Variants in EYA1 observed in about 807,000 individuals in gnomAD.
The protein encoded by EYA1 is EYA transcriptional coactivator and phosphatase 1, also known as protein phosphatase EYA1.
In EYA1, 16 loss-of-function variants were observed where a neutral mutation model predicts 82.0. The ratio of observed to expected loss-of-function variants is 0.20; its 90% confidence interval spans 0.13 to 0.30. EYA1 has a LOEUF of 0.30. EYA1 is among the 10% of genes least tolerant of loss of function. EYA1 has a pLI of 1.00. For missense variants in EYA1, 633 were observed against 730.7 expected, an observed-to-expected ratio of 0.87 and a Z score of 1.54; for synonymous variants, 261 against 264.4, an observed-to-expected ratio of 0.99 and a Z score of 0.12.
intron 12 of EYA1, among the ~76,000 whole-genome samples, chr8:71,226,296 G>A (rs931218332): frequency 7.2e-5 from 11 of 151,814 alleles, no homozygotes; most frequent in East Asian, 3.9e-4. Context: ...TCACTTTAGC[G>A]TGTGGCTTAC....
chr8:71,461,826 G>T (rs866607668), intron 2 of EYA1, among the ~76,000 whole-genome samples: 5 of 152,202 alleles, frequency 3.3e-5, no homozygotes, highest in South Asian at 4.1e-4. Flanking sequence ...CCTAGCCAGG[G>T]TGTCCTATCA....
At chr8:71,320,782 A>G (rs572220435) in intron 6 of EYA1, among the ~76,000 whole-genome samples, 1 of 152,198 alleles carries the variant, frequency 6.6e-6, no homozygotes, top group South Asian at 2.1e-4. Flanking sequence ...CTTAAAGAAG[A>G]GCATTAATTC....
At chr8:71,218,877 C>T (rs990968697) in intron 12 of EYA1, among the ~76,000 whole-genome samples, 16 of 150,690 alleles carry the variant, frequency 1.1e-4, no homozygotes, top group African/African-American at 3.6e-4. Context: ...AATTTTCTCT[C>T]TTGGGAGAAT....
chr8:71,337,575 C>CAGT (rs1458063255), intron 3 of EYA1, among the ~76,000 whole-genome samples: 1 of 152,136 alleles, frequency 6.6e-6, no homozygotes, highest in Non-Finnish European at 1.5e-5. Flanking sequence ...TCAGAGAATC[C>CAGT]AGTTACCTAC....
At chr8:71,297,346 T>C (rs1360696655) in intron 9 of EYA1, among the ~76,000 whole-genome samples, 1 of 152,144 alleles carries the variant, frequency 6.6e-6, no homozygotes, top group Non-Finnish European at 1.5e-5. Context: ...GACAAACACT[T>C]ATATCTGACC....
chr8:71,354,791 C>T lies in EYA1; in HGVS notation c.115G>A (p.Gly39Ser). Residue 39 changes from glycine (G) to serine (S), a missense_variant, in exon 3 of 18, where the codon GGC (glycine) becomes AGC (serine). By Grantham distance (56) the Gly-to-Ser change is moderately conservative. Coordinates refer to ENST00000340726, the MANE Select transcript of EYA1 (RefSeq NM_000503.6). Reference protein sequence around the residue: ...HINSNSMTPNGTEVKTEPMSS... With the variant: ...HINSNSMTPNSTEVKTEPMSS... Reference sequence around the variant, plus strand: ...GAAGGCAGACACTCACCTTCGGTGCCATTGGGAGTCATGGAATTACTATTT... The same window carrying T: ...GAAGGCAGACACTCACCTTCGGTGCTATTGGGAGTCATGGAATTACTATTT... 6.2e-7 allele frequency: 1 copy of T among 1,613,260 alleles called. No individual in the cohort carries two copies. Among genetic ancestry groups the T allele is most frequent in the Non-Finnish European group, 8.5e-7 (1 of 1,179,454 alleles).
chr8:71,482,041 A>T (rs28455819), intron 2 of EYA1, among the ~76,000 whole-genome samples: 7,096 of 152,278 alleles, frequency 0.047, 536 homozygotes, highest in African/African-American at 0.16. Context: ...AAAATATTAA[A>T]AAGTTAGCCT....
At chr8:71,284,650 T>A (rs1193943339) in intron 9 of EYA1, among the ~76,000 whole-genome samples, 1 of 152,224 alleles carries the variant, frequency 6.6e-6, no homozygotes, top group African/African-American at 2.4e-5. Context: ...TTACCTTATT[T>A]GTAAAGATGA....
chr8:71,243,358 G>A (rs1240610820), intron 12 of EYA1, among the ~76,000 whole-genome samples: 1 of 152,108 alleles, frequency 6.6e-6, no homozygotes, highest in Non-Finnish European at 1.5e-5. Flanking sequence ...TGATAATTAT[G>A]TGTTTCTAAA....
chr8:71,432,218 G>A (rs768390164), intron 2 of EYA1, among the ~76,000 whole-genome samples: 14 of 152,178 alleles, frequency 9.2e-5, no homozygotes, highest in Non-Finnish European at 1.8e-4. Flanking sequence ...AGAACCTAGA[G>A]CAATGCTCTA....
At chr8:71,318,990 C>T (rs1248128981) in intron 6 of EYA1, among the ~76,000 whole-genome samples, 2 of 152,216 alleles carry the variant, frequency 1.3e-5, no homozygotes, top group East Asian at 3.9e-4. Context: ...ACACCTGCCC[C>T]AGACAGGTGG....
At chr8:71,463,450 G>T (rs532396376) in intron 2 of EYA1, among the ~76,000 whole-genome samples, 55 of 152,296 alleles carry the variant, frequency 3.6e-4, no homozygotes, top group African/African-American at 1.3e-3. Flanking sequence ...AAAGCTTCAT[G>T]TATCATGACA....
At position 71,486,311 on chromosome 8, in the gene EYA1, G is replaced by A. The variant is rs185223903; in HGVS notation, c.33+49433C>T. Among the ~76,000 whole-genome samples the A allele has an allele frequency of 4.6e-5, 7 of 152,212 alleles. No homozygotes were observed. In the East Asian group the frequency reaches 7.7e-4, roughly 17 times the overall value. Reference sequence around the variant, plus strand: ...CGCCTCTGATCACCTCAACAATCCTGGGAGGCACACAGAAGAGGTATAATC... The same window carrying A: ...CGCCTCTGATCACCTCAACAATCCTAGGAGGCACACAGAAGAGGTATAATC... On this transcript the variant is annotated intron_variant, in intron 2 of 18. Coordinates refer to the EYA1 transcript ENST00000643681.
chr8:71,424,220 T>G (rs1256567850), intron 2 of EYA1, among the ~76,000 whole-genome samples: 1 of 152,206 alleles, frequency 6.6e-6, no homozygotes, highest in Non-Finnish European at 1.5e-5. Flanking sequence ...TGGCATACAT[T>G]CCAAATGAAA....
At chr8:71,538,035 G>A (rs193048899) in intron 1 of EYA1, among the ~76,000 whole-genome samples, 14 of 152,272 alleles carry the variant, frequency 9.2e-5, no homozygotes, top group Non-Finnish European at 1.3e-4. Context: ...AAATCACAGC[G>A]AGCCGTGGAC....
chr8:71,316,846 A>C (rs1821982616), intron 7 of EYA1, among the ~76,000 whole-genome samples: 1 of 152,224 alleles, frequency 6.6e-6, no homozygotes, highest in African/African-American at 2.4e-5. Context: ...ATTCTCAAGC[A>C]CTTTAAAGAT....
intron 2 of EYA1, among the ~76,000 whole-genome samples, chr8:71,462,474 G>T (rs897697642): frequency 1.3e-5 from 2 of 152,196 alleles, no homozygotes; most frequent in African/African-American, 2.4e-5. Flanking sequence ...GCCCTCAAGT[G>T]TACAGAGGTG....
At chr8:71,309,598 A>G (rs985985171) in intron 7 of EYA1, among the ~76,000 whole-genome samples, 2 of 152,226 alleles carry the variant, frequency 1.3e-5, no homozygotes, top group African/African-American at 4.8e-5. Flanking sequence ...TACCTTTTCT[A>G]TAGATAATAA....
At chr8:71,490,089 G>A (rs1187577312) in intron 2 of EYA1, among the ~76,000 whole-genome samples, 1 of 152,178 alleles carries the variant, frequency 6.6e-6, no homozygotes, top group Non-Finnish European at 1.5e-5. Flanking sequence ...TAAACTACTG[G>A]CAAGAATTTA....
Sources: allele counts gnomAD v4.1 joint callset (sites outside exome capture counted in the v4.1 genomes callset), GRCh38; gene constraint gnomAD v4.1.1; transcripts MANE v1.5; gene names NCBI Gene and HGNC (gene_info 2026-07-23, HGNC 2026-07-21).